Variants in GLDC observed in about 807,000 individuals in gnomAD.
GLDC encodes the protein glycine decarboxylase.
Under a neutral mutation model 121.3 loss-of-function variants are expected in GLDC, and 104 were observed. The ratio of observed to expected loss-of-function variants is 0.86; its 90% CI spans 0.73 to 1.01. The LOEUF (loss-of-function observed/expected upper bound fraction) is 1.01. Ranked by LOEUF, GLDC falls within the 50% of genes least tolerant of loss-of-function variation. GLDC has a pLI of 0.00. For synonymous variants in GLDC, 546 were observed against 480.6 expected (o/e 1.14, Z -1.78); for missense variants, 1,429 against 1,306.6 (o/e 1.09, Z -1.44).
At chr9:6,602,251 C>G in intron 7 of GLDC, 46 bp from the exon 8 acceptor site, 1 of 1,082,568 alleles carries the variant, frequency 9.2e-7, no homozygotes, top group Non-Finnish European at 1.4e-6. Context: ...AATCACAGCA[C>G]TGGGAGATGC....
intron 2 of GLDC, among the ~76,000 whole-genome samples, chr9:6,636,633 G>A (rs201654273): frequency 6.6e-6 from 1 of 151,980 alleles, no homozygotes; most frequent in Non-Finnish European, 1.5e-5. Flanking sequence ...AAAATTAGCC[G>A]GGCATGGTGG....
chr9:6,537,834 C>G (rs2129655062), intron 22 of GLDC, among the ~76,000 whole-genome samples: 1 of 151,988 alleles, frequency 6.6e-6, no homozygotes, highest in East Asian at 1.9e-4. Flanking sequence ...TAGGTGAGCA[C>G]CCATATACCC....
chr9:6,558,729 G>A (rs766716291), intron 16 of GLDC, 45 bp from the exon 17 acceptor site: 1 of 1,608,746 alleles, frequency 6.2e-7, no homozygotes, highest in Admixed American at 1.7e-5. Flanking sequence ...ATCATCATCA[G>A]ACTATGAATA....
In GLDC at chr9:6,639,437, T is replaced by C. The variant is rs972449302; in HGVS notation, c.334+5177A>G. ...AAGACAACAACACACTTGTGTTCAT[T>C]GTGGATGTTAAAGTCAACAAGCACC... On this transcript the variant is annotated intron_variant, in intron 2 of 24. Transcript: ENST00000321612. 6.6e-6 allele frequency: 6 copies of C among 908,402 alleles called. No individual in the cohort carries two copies. In the African/African-American group the frequency reaches 9.7e-5, roughly 15 times the overall value. The allele number at this position is 908,402 out of a possible 1,614,324, so 56.3% of individuals were successfully genotyped here.
chr9:6,634,982 C>T (rs1243631653), intron 2 of GLDC, among the ~76,000 whole-genome samples: 2 of 152,126 alleles, frequency 1.3e-5, no homozygotes, highest in Non-Finnish European at 2.9e-5. Context: ...CATATTGTGG[C>T]CCCATACCTT....
chr9:6,642,917 T>TA (rs147261393), intron 2 of GLDC, among the ~76,000 whole-genome samples: 2,198 of 151,962 alleles, frequency 0.014, 62 homozygotes, highest in African/African-American at 0.051. Context: ...CTTTTTTTTT[T>TA]AGACAGGGTC....
chr9:6,609,104 C>A (rs903656085), intron 4 of GLDC, among the ~76,000 whole-genome samples: 1 of 152,120 alleles, frequency 6.6e-6, no homozygotes, highest in Non-Finnish European at 1.5e-5. Context: ...AGCATGTGTG[C>A]GTCTTTCCCA....
Position 6,616,950 on chromosome 9 carries a change from G to A in GLDC, c.470+3234C>T, listed in dbSNP as rs142738959. ...TATACCAAACAGAAATAGCTACAAGGAATATGTAAATGTTCTGATGTTATC... is the reference window on the plus strand; with the variant it reads ...TATACCAAACAGAAATAGCTACAAGAAATATGTAAATGTTCTGATGTTATC... On this transcript the variant is annotated intron_variant, in intron 3 of 24. Transcript: ENST00000321612. Among the ~76,000 whole-genome samples the A allele has an allele frequency of 2.2e-3, 337 of 152,252 alleles. 3 individuals carry two copies. Among genetic ancestry groups the A allele is most frequent in the Admixed American group, 5.2e-3 (79 of 15,282 alleles).
chr9:6,639,298 C>A lies in GLDC; in HGVS notation c.334+5316G>T, dbSNP rs576964709. On this transcript the variant is annotated intron_variant, in intron 2 of 24. Transcript: ENST00000321612. ...CACCTTCCGGCGGTCCAAGACCCTG[C>A]GACTCCAGAGACAGCCCAAATATCC... The A allele has an allele frequency of 5.6e-5, 52 of 930,994 alleles. No individual in the cohort carries two copies. The East Asian group carries it at 8.8e-4, about 16-fold the overall frequency. The allele number at this position is 930,994 out of a possible 1,614,324, so 57.7% of individuals were successfully genotyped here.
At position 6,540,111 on chromosome 9, in the gene GLDC, G is replaced by T; in HGVS notation, c.2605C>A (p.Pro869Thr). Reference sequence around the variant, plus strand: ...TCAATATTTGCAGACTTTTTGAAGGGTCTCGTGTCCAAAATAAATTCATGA... The same window carrying T: ...TCAATATTTGCAGACTTTTTGAAGGTTCTCGTGTCCAAAATAAATTCATGA... ...VGHEFILDTR[P>T]FKKSANIEAV... The change falls in exon 22 of 25, where the codon CCC becomes ACC. Residue 869 changes from proline to threonine, a missense_variant. Pro to Thr is a conservative substitution (Grantham distance 38). Coordinates refer to ENST00000321612, the MANE Select transcript of GLDC (RefSeq NM_000170.3). 1 of 1,613,098 alleles carries T rather than the reference G, an allele frequency of 6.2e-7. No individual in the cohort carries two copies. The highest frequency in any genetic ancestry group is 8.5e-7 in the Non-Finnish European group (1 of 1,179,104).
chr9:6,573,926 A>T (rs562652486), intron 15 of GLDC, among the ~76,000 whole-genome samples: 1 of 152,298 alleles, frequency 6.6e-6, no homozygotes, highest in Non-Finnish European at 1.5e-5. Flanking sequence ...GTATGATTTT[A>T]ACCAGTGAAA....
intron 2 of GLDC, among the ~76,000 whole-genome samples, chr9:6,643,098 A>G (rs575100326): frequency 1.3e-5 from 2 of 152,104 alleles, no homozygotes; most frequent in East Asian, 3.9e-4. Context: ...GGGTCTCGCA[A>G]TATTGCCCAA....
intron 20 of GLDC, among the ~76,000 whole-genome samples, chr9:6,552,483 G>A (rs1353057627): frequency 6.6e-6 from 1 of 152,200 alleles, no homozygotes; most frequent in African/African-American, 2.4e-5. Flanking sequence ...TTAAAAGCAA[G>A]TGTTAGTGTC....
intron 2 of GLDC, among the ~76,000 whole-genome samples, chr9:6,629,999 A>G (rs1286304747): frequency 8.6e-6 from 1 of 115,898 alleles, no homozygotes; most frequent in Non-Finnish European, 1.8e-5. Flanking sequence ...TATGTTTCCC[A>G]GGCTGGTTTC....
intron 21 of GLDC, among the ~76,000 whole-genome samples, chr9:6,547,975 T>A (rs1029314001): frequency 7.9e-5 from 12 of 152,006 alleles, no homozygotes; most frequent in Admixed American, 2.0e-4. Context: ...ACAAAAAATA[T>A]ATATATAAAT....
At chr9:6,612,601 C>T (rs1563861274) in intron 3 of GLDC, among the ~76,000 whole-genome samples, 1 of 151,896 alleles carries the variant, frequency 6.6e-6, no homozygotes, top group Non-Finnish European at 1.5e-5. Context: ...TGGCTCATGC[C>T]TGTAAGTAAT....
chr9:6,637,483 T>C (rs1442495063), intron 2 of GLDC, among the ~76,000 whole-genome samples: 1 of 152,108 alleles, frequency 6.6e-6, no homozygotes, highest in African/African-American at 2.4e-5. Flanking sequence ...ATGAAGTCAT[T>C]CTGTCGCCCA....
chr9:6,569,973 C>T (rs914325385), intron 15 of GLDC, among the ~76,000 whole-genome samples: 3 of 152,120 alleles, frequency 2.0e-5, no homozygotes, highest in Non-Finnish European at 2.9e-5. Flanking sequence ...GAGACTCAGG[C>T]TCATGGCCGG....
chr9:6,612,195 TCACA>T (rs33945262), intron 3 of GLDC, among the ~76,000 whole-genome samples: 2 of 150,486 alleles, frequency 1.3e-5, no homozygotes, highest in East Asian at 2.0e-4. Flanking sequence ...ACTCACTCTC[TCACA>T]CACACACACA....
Sources: gnomAD v4.1 joint callset for allele counts (sites outside exome capture counted in the v4.1 genomes callset) on GRCh38, gnomAD v4.1.1 for gene constraint, MANE v1.5 for transcripts, NCBI Gene and HGNC (gene_info 2026-07-23, HGNC 2026-07-21) for gene names.